DCHS2: variants seen among roughly 807,000 people sequenced by gnomAD.
The protein encoded by DCHS2 is protocadherin-23.
DCHS2 carries 142 observed loss-of-function variants against 182.4 expected under a neutral mutation model. That is an observed-to-expected ratio of 0.78 (90% confidence interval 0.68 to 0.89). The LOEUF (loss-of-function observed/expected upper bound fraction) is 0.89, where lower values mean the gene tolerates loss of function less well. Ranked by LOEUF, DCHS2 falls within the 40% of genes least tolerant of loss-of-function variation. DCHS2 has a pLI of 0.00. For synonymous variants in DCHS2, 1,740 were observed against 1,663.3 expected, an observed-to-expected ratio of 1.05 and a Z score of -1.12; for missense variants, 4,319 against 4,198.6, an observed-to-expected ratio of 1.03 and a Z score of -0.79.
At chr4:154,429,755 C>A (rs1733482027) in intron 1 of DCHS2, among the ~76,000 whole-genome samples, 1 of 151,512 alleles carries the variant, frequency 6.6e-6, no homozygotes, top group South Asian at 2.1e-4. Flanking sequence ...TTCAAAACTT[C>A]TCTTCTGTCA....
intron 1 of DCHS2, among the ~76,000 whole-genome samples, chr4:154,418,282 G>A (rs1732957084): frequency 6.6e-6 from 1 of 152,168 alleles, no homozygotes; most frequent in South Asian, 2.1e-4. Flanking sequence ...TGTGCCCAGA[G>A]TTAGGCACAT....
In DCHS2 at chr4:154,320,532, A is replaced by G; in HGVS notation, c.4867T>C (p.Phe1623Leu). The change falls in exon 9 of 20, where the codon TTC becomes CTC. Residue 1623 changes from phenylalanine to leucine, a missense_variant. Physicochemically the swap from Phe to Leu is conservative, Grantham distance 22 (BLOSUM62 0). Coordinates refer to ENST00000357232, the MANE Select transcript of DCHS2 (RefSeq NM_001358235.2). ...VNDHNPTFIS[F>L]PNAHVKEDVT... ...TCCTCTTTGACATGGGCATTGGGGA[A>G]AGAAATAAAAGTGGGGTTGTGGTCA... is the stretch of plus-strand genomic sequence containing the variant. The G allele has an allele frequency of 6.2e-7, 1 of 1,614,112 alleles. No individual in the cohort carries two copies. Among genetic ancestry groups the G allele is most frequent in the Non-Finnish European group, 8.5e-7 (1 of 1,180,014 alleles).
At chr4:154,288,938 A>C (rs1233546778) in intron 13 of DCHS2, among the ~76,000 whole-genome samples, 3 of 152,092 alleles carry the variant, frequency 2.0e-5, no homozygotes, top group Non-Finnish European at 4.4e-5. Context: ...TACAAAGAGT[A>C]AAGTTTATAG....
intron 1 of DCHS2, 134 bp downstream of exon 1, chr4:154,489,170 A>C (rs1728694167): frequency 2.7e-6 from 2 of 751,900 alleles, no homozygotes; most frequent in South Asian, 4.7e-5. Flanking sequence ...CTCACTGTAG[A>C]GGGGGCACTA....
chr4:154,329,763 G>A (rs993975), intron 5 of DCHS2, 53 bp from the exon 6 acceptor site: 11 of 1,498,584 alleles, frequency 7.3e-6, no homozygotes, highest in Non-Finnish European at 1.0e-5. Flanking sequence ...AGGCGCACCA[G>A]GGCCAGAACC....
chr4:154,441,730 A>G (rs1004428724), intron 1 of DCHS2, among the ~76,000 whole-genome samples: 7 of 117,108 alleles, frequency 6.0e-5, no homozygotes, highest in African/African-American at 8.8e-5. Flanking sequence ...ACCATTTATT[A>G]GGCTTTTTTT....
At chr4:154,403,804 T>C (rs898009703) in intron 1 of DCHS2, among the ~76,000 whole-genome samples, 61 of 152,314 alleles carry the variant, frequency 4.0e-4, no homozygotes, top group Admixed American at 7.8e-4. Context: ...AGAGCTATTG[T>C]GATTTTTCAT....
At chr4:154,318,976 T>C (rs2111331241) in intron 9 of DCHS2, among the ~76,000 whole-genome samples, 1 of 152,212 alleles carries the variant, frequency 6.6e-6, no homozygotes, top group East Asian at 1.9e-4. Flanking sequence ...CAAAACAGTA[T>C]GGTATTGGCA....
chr4:154,412,410 A>G (rs1000519317), intron 1 of DCHS2, among the ~76,000 whole-genome samples: 38 of 152,138 alleles, frequency 2.5e-4, no homozygotes, highest in African/African-American at 7.2e-4. Flanking sequence ...CATCCCCACC[A>G]TCAAGACATT....
At chr4:154,409,508 T>A (rs1011442607) in intron 1 of DCHS2, among the ~76,000 whole-genome samples, 3 of 152,168 alleles carry the variant, frequency 2.0e-5, no homozygotes, top group African/African-American at 7.2e-5. Flanking sequence ...AAGGGTCAGC[T>A]ACAACCTGGC....
intron 1 of DCHS2, among the ~76,000 whole-genome samples, chr4:154,457,700 C>T (rs887502490): frequency 6.6e-6 from 1 of 152,114 alleles, no homozygotes; most frequent in African/African-American, 2.4e-5. Context: ...CAAGTGATAC[C>T]CAATTACAGT....
chr4:154,402,861 G>T (rs1732246932), intron 1 of DCHS2, among the ~76,000 whole-genome samples: 1 of 152,206 alleles, frequency 6.6e-6, no homozygotes, highest in African/African-American at 2.4e-5. Context: ...TTTTCTCTCA[G>T]CAGAATTTTG....
At chr4:154,382,629 G>A (rs540974650) in intron 1 of DCHS2, among the ~76,000 whole-genome samples, 91 of 151,996 alleles carry the variant, frequency 6.0e-4, no homozygotes, top group African/African-American at 2.1e-3. Flanking sequence ...AGTCTATAAG[G>A]AACTTAAATA....
chr4:154,379,127 C>T (rs1019358282), intron 1 of DCHS2, among the ~76,000 whole-genome samples: 1 of 151,996 alleles, frequency 6.6e-6, no homozygotes, highest in African/African-American at 2.4e-5. Flanking sequence ...CAACTTCCCA[C>T]TAATGGACAT....
chr4:154,484,375 A>T (rs1282967137), intron 1 of DCHS2, among the ~76,000 whole-genome samples: 2 of 68,488 alleles, frequency 2.9e-5, no homozygotes, highest in African/African-American at 8.1e-5. Context: ...GTCAATCTCT[A>T]TTCACAAACC....
chr4:154,337,293 T>C (rs1728855394), intron 3 of DCHS2, among the ~76,000 whole-genome samples: 1 of 152,172 alleles, frequency 6.6e-6, no homozygotes, highest in South Asian at 2.1e-4. Context: ...TACCACTAAA[T>C]TCCGATTACA....
chr4:154,245,253 G>T (rs1344423689), intron 16 of DCHS2, among the ~76,000 whole-genome samples: 1 of 152,258 alleles, frequency 6.6e-6, no homozygotes, highest in African/African-American at 2.4e-5. Flanking sequence ...GTTGTAGCCT[G>T]TCCAACTCAC....
At chr4:154,406,673 T>G (rs545935423) in intron 1 of DCHS2, among the ~76,000 whole-genome samples, 1 of 152,340 alleles carries the variant, frequency 6.6e-6, no homozygotes, top group Admixed American at 6.5e-5. Context: ...GACAAATCTA[T>G]TACACAGTTT....
At chr4:154,394,020 A>G (rs1731823344) in intron 1 of DCHS2, among the ~76,000 whole-genome samples, 1 of 152,204 alleles carries the variant, frequency 6.6e-6, no homozygotes, top group Non-Finnish European at 1.5e-5. Flanking sequence ...AACACAGTTG[A>G]CAAAAACTAA....
Sources: allele counts gnomAD v4.1 joint callset (sites outside exome capture counted in the v4.1 genomes callset), GRCh38; gene constraint gnomAD v4.1.1; transcripts MANE v1.5; gene names NCBI Gene and HGNC (gene_info 2026-07-23, HGNC 2026-07-21).